The following MYT1L variants were observed in gnomAD, a reference collection of about 807,000 sequenced individuals.
MYT1L encodes the protein myelin transcription factor 1 like.
In MYT1L, 12 loss-of-function variants were observed where a neutral mutation model predicts 126.7. The observed-to-expected ratio is 0.09, with a 90% CI of 0.06 to 0.15. The LOEUF (loss-of-function observed/expected upper bound fraction) is 0.15, where lower values mean the gene tolerates loss of function less well. MYT1L is among the 10% of genes least tolerant of loss of function. The probability of loss-of-function intolerance (pLI) is 1.00; values close to 1 mark genes in which losing one functional copy is unlikely to be tolerated. For synonymous variants in MYT1L, 541 were observed against 604.2 expected, an observed-to-expected ratio of 0.90 and a Z score of 1.53; for missense variants, 979 against 1,585.2, an observed-to-expected ratio of 0.62 and a Z score of 6.49.
chr2:1,952,115 C>T (rs1405848716), intron 8 of MYT1L, among the ~76,000 whole-genome samples: 6 of 152,028 alleles, frequency 3.9e-5, no homozygotes. Flanking sequence ...TTTTCTTAAA[C>T]TTGACAGACA....
At chr2:2,220,264 C>T (rs532816379) in intron 2 of MYT1L, among the ~76,000 whole-genome samples, 13 of 152,126 alleles carry the variant, frequency 8.5e-5, no homozygotes, top group Non-Finnish European at 1.3e-4. Flanking sequence ...AGACATCAAT[C>T]AAATACATTT....
At position 1,922,957 on chromosome 2, in the gene MYT1L, C is replaced by T; in HGVS notation, c.812G>A (p.Gly271Glu). 1 of 1,614,020 alleles carries T rather than the reference C, an allele frequency of 6.2e-7. No individual in the cohort carries two copies. Among genetic ancestry groups the T allele is most frequent in the Non-Finnish European group, 8.5e-7 (1 of 1,179,904 alleles). Residue 271 changes from glycine to glutamate, a missense_variant, in exon 10 of 25, where the codon GGA becomes GAA. This residue lies in a region of MYT1L where 243 missense variants were observed against 363.9 expected (regional missense o/e 0.67). Coordinates refer to ENST00000647738, the MANE Select transcript of MYT1L (RefSeq NM_001303052.2). This position sits in a 1 kb window ranked among gnomAD's most constrained non-coding sequence, Gnocchi z 7.4. ...TVDSLKLLAQ[G>E]HGVVLSENMN... The stretch of plus-strand genomic sequence containing the variant: ...GTTTTCTGAGAGCACAACACCGTGT[C>T]CTTGGGCTAATAGTTTAAGGGAGTC...
chr2:1,931,436 C>T (rs866718137), intron 9 of MYT1L, among the ~76,000 whole-genome samples: 20 of 150,610 alleles, frequency 1.3e-4, no homozygotes, highest in Non-Finnish European at 2.5e-4. Context: ...GCGATGCCCA[C>T]GTCTGCTGCG....
At chr2:2,097,112 G>C (rs1486400936) in intron 3 of MYT1L, among the ~76,000 whole-genome samples, 1 of 151,992 alleles carries the variant, frequency 6.6e-6, no homozygotes, top group African/African-American at 2.4e-5. Context: ...CTCTTCCCTG[G>C]CCTCCTTCCC....
At position 1,979,637 on chromosome 2, in the gene MYT1L, T is replaced by C. The variant is rs373283310; in HGVS notation, c.56-83A>G. 5.2e-5 allele frequency: 84 copies of C among 1,603,922 alleles called. 1 individual carries two copies. The African/African-American group carries it at 1.0e-3, about 20-fold the overall frequency. ...ACAGAAAATTACCAAAAGGGTGGCA[T>C]GAAAGTGGGGTCAGAATCGACCTCA... is the stretch of plus-strand genomic sequence containing the variant. On this transcript the variant is annotated intron_variant, in intron 6 of 24. Coordinates refer to ENST00000647738, the MANE Select transcript of MYT1L (RefSeq NM_001303052.2). The surrounding 1 kb of genome is among the most constrained non-coding windows in gnomAD (Gnocchi z 4.0).
At chr2:1,873,915 C>G (rs2046549629) in intron 18 of MYT1L, among the ~76,000 whole-genome samples, 1 of 152,124 alleles carries the variant, frequency 6.6e-6, no homozygotes, top group Admixed American at 6.5e-5. Flanking sequence ...CTAATGACCA[C>G]CACCCAGATG....
At chr2:1,999,401 A>G (rs1291881011) in intron 4 of MYT1L, among the ~76,000 whole-genome samples, 3 of 152,208 alleles carry the variant, frequency 2.0e-5, no homozygotes, top group Non-Finnish European at 4.4e-5. Context: ...TGGGTAAGAT[A>G]TCGCTACATC....
intron 1 of MYT1L, among the ~76,000 whole-genome samples, chr2:2,300,660 G>A (rs938539977): frequency 2.6e-5 from 4 of 152,196 alleles, no homozygotes; most frequent in Non-Finnish European, 4.4e-5. Context: ...TTTGTCCCAT[G>A]CGCATTTTGA....
intron 9 of MYT1L, among the ~76,000 whole-genome samples, chr2:1,926,385 A>C (rs2054232050): frequency 6.6e-6 from 1 of 151,642 alleles, no homozygotes; most frequent in Non-Finnish European, 1.5e-5. Context: ...GGTTGTACAC[A>C]CTCCCTTCCA....
At chr2:2,075,398 TCA>T (rs1418521587) in intron 3 of MYT1L, among the ~76,000 whole-genome samples, 2 of 152,178 alleles carry the variant, frequency 1.3e-5, no homozygotes, top group Non-Finnish European at 2.9e-5. Context: ...TCCAGCAAAT[TCA>T]CAGTCATCTG....
At chr2:2,024,478 C>G (rs555996342) in intron 4 of MYT1L, among the ~76,000 whole-genome samples, 2 of 152,296 alleles carry the variant, frequency 1.3e-5, no homozygotes, top group African/African-American at 2.4e-5. Flanking sequence ...TTCCAAGCTG[C>G]TCTTTCTATT....
intron 5 of MYT1L, among the ~76,000 whole-genome samples, chr2:1,993,340 A>G (rs1273524537): frequency 6.6e-6 from 1 of 152,146 alleles, no homozygotes; most frequent in Non-Finnish European, 1.5e-5. Flanking sequence ...TCCCACAGCC[A>G]ATTTTCTTAC....
intron 4 of MYT1L, among the ~76,000 whole-genome samples, chr2:2,022,419 A>G (rs1047464407): frequency 6.6e-6 from 1 of 152,224 alleles, no homozygotes; most frequent in Admixed American, 6.5e-5. Flanking sequence ...GCAGGCTCAG[A>G]GTTCCACAGC....
chr2:2,078,622 A>G (rs1279041554), intron 3 of MYT1L, among the ~76,000 whole-genome samples: 2 of 152,242 alleles, frequency 1.3e-5, no homozygotes, highest in Non-Finnish European at 2.9e-5. Context: ...AAGAGGTTCA[A>G]TGAGTCAAGA....
intron 11 of MYT1L, among the ~76,000 whole-genome samples, chr2:1,914,938 A>G (rs528574454): frequency 2.6e-5 from 4 of 152,316 alleles, no homozygotes; most frequent in African/African-American, 7.2e-5. Context: ...CAGCTGGAGC[A>G]TCACCTCACG....
At position 2,005,297 on chromosome 2, in the gene MYT1L, T is replaced by C. The variant is rs538077033; in HGVS notation, c.-157-7950A>G. ...CTGTGTGCCTTCTTTCCTGCAGGCG[T>C]TCTTTCCTGCGTGCCTTCTTTCCTG... On this transcript the variant is annotated intron_variant, in intron 4 of 24. Transcript: ENST00000647738. 3.3e-5 allele frequency among the ~76,000 whole-genome samples: 5 copies of C among 150,854 alleles called. No individual in the cohort carries two copies. The South Asian group carries it at 6.4e-4, about 19-fold the overall frequency.
At chr2:2,315,904 C>T (rs2096057656) in intron 1 of MYT1L, among the ~76,000 whole-genome samples, 1 of 152,150 alleles carries the variant, frequency 6.6e-6, no homozygotes, top group Non-Finnish European at 1.5e-5. Context: ...TCATTCTATA[C>T]ATAGTTACCT....
At chr2:2,219,196 T>C (rs17247310) in intron 2 of MYT1L, among the ~76,000 whole-genome samples, 59,680 of 151,962 alleles carry the variant, frequency 0.39, 11,998 homozygotes, top group African/African-American at 0.47. Context: ...TTTTGTTTTT[T>C]GGGTGCTATA....
chr2:2,028,421 T>C (rs1213578), intron 4 of MYT1L, among the ~76,000 whole-genome samples: 107,581 of 152,150 alleles, frequency 0.71, 39,596 homozygotes, highest in African/African-American at 0.93. Context: ...TCGACAGTCC[T>C]ATCATTTTGA....
Sources: allele counts gnomAD v4.1 joint callset (sites outside exome capture counted in the v4.1 genomes callset), GRCh38; gene constraint gnomAD v4.1.1; regional missense constraint gnomAD v4.1.1; non-coding constraint Gnocchi (gnomAD v3.1); transcripts MANE v1.5; gene names NCBI Gene and HGNC (gene_info 2026-07-23, HGNC 2026-07-21).